PIK3C2G: variants seen among roughly 807,000 people sequenced by gnomAD.
The protein encoded by PIK3C2G is phosphatidylinositol 3-kinase C2 domain-containing subunit gamma.
PIK3C2G carries 168 observed loss-of-function variants against 181.1 expected under a neutral mutation model. That is an observed-to-expected ratio of 0.93 (90% CI 0.82 to 1.05). PIK3C2G has a LOEUF of 1.05. PIK3C2G is among the 50% of genes least tolerant of loss of function. The pLI, the probability that PIK3C2G is intolerant of heterozygous loss-of-function variation, is 0.00. For synonymous variants in PIK3C2G, 573 were observed against 592.2 expected, an observed-to-expected ratio of 0.97 and a Z score of 0.47; for missense variants, 1,869 against 1,732.8, an observed-to-expected ratio of 1.08 and a Z score of -1.40.
chr12:18,355,500 A>G (rs1173818296), intron 11 of PIK3C2G, among the ~76,000 whole-genome samples: 2 of 152,174 alleles, frequency 1.3e-5, no homozygotes, highest in Admixed American at 6.5e-5. Flanking sequence ...TTGCCAGGGA[A>G]AGAAAGAGTC....
the PIK3C2G span, among the ~76,000 whole-genome samples, chr12:18,672,459 GA>G: frequency 6.6e-5 from 10 of 151,574 alleles, no homozygotes; most frequent in South Asian, 4.2e-4. Context: ...CAAATGACTT[GA>G]AAAAAAACTG....
At chr12:18,547,677 G>A (rs1471391611) in intron 26 of PIK3C2G, among the ~76,000 whole-genome samples, 1 of 121,856 alleles carries the variant, frequency 8.2e-6, no homozygotes, top group African/African-American at 3.1e-5. Flanking sequence ...AAAAAACCCT[G>A]CCTTCTTGCT....
At chr12:18,334,797 G>A (rs1044657025) in intron 8 of PIK3C2G, among the ~76,000 whole-genome samples, 1 of 152,044 alleles carries the variant, frequency 6.6e-6, no homozygotes, top group Admixed American at 6.6e-5. Context: ...AGCCATCATA[G>A]GGTTTGTAAA....
intron 18 of PIK3C2G, among the ~76,000 whole-genome samples, chr12:18,459,793 G>T (rs1352187171): frequency 6.6e-6 from 1 of 152,128 alleles, no homozygotes; most frequent in Non-Finnish European, 1.5e-5. Context: ...CTAGAGTCTA[G>T]CTGTGTCATC....
chr12:18,657,164 A>G, the PIK3C2G span, among the ~76,000 whole-genome samples: 1 of 152,192 alleles, frequency 6.6e-6, no homozygotes, highest in Non-Finnish European at 1.5e-5. Context: ...TGAAATATTT[A>G]TAGGCAGATG....
intron 11 of PIK3C2G, among the ~76,000 whole-genome samples, chr12:18,348,969 C>T (rs893070249): frequency 9.2e-5 from 14 of 152,130 alleles, no homozygotes; most frequent in Non-Finnish European, 1.8e-4. Flanking sequence ...TATTGAAAGA[C>T]CTCAGTTCCC....
intron 5 of PIK3C2G, among the ~76,000 whole-genome samples, chr12:18,305,280 G>GT (rs1416931504): frequency 3.9e-5 from 6 of 152,106 alleles, no homozygotes; most frequent in Admixed American, 3.9e-4. Flanking sequence ...GCTAAATAAA[G>GT]TTTGTTTATT....
the PIK3C2G span, among the ~76,000 whole-genome samples, chr12:18,700,538 A>AAAAAAAGG: frequency 2.8e-4 from 38 of 135,908 alleles, no homozygotes; most frequent in Middle Eastern, 3.5e-3. Flanking sequence ...AAAAAAAAAT[A>AAAAAAAGG]GTTGCTCTGC....
intron 8 of PIK3C2G, among the ~76,000 whole-genome samples, chr12:18,326,096 G>T (rs1321087718): frequency 6.6e-6 from 1 of 152,150 alleles, no homozygotes; most frequent in African/African-American, 2.4e-5. Context: ...GAAATTATGT[G>T]CCTAGAATAA....
intron 16 of PIK3C2G, among the ~76,000 whole-genome samples, chr12:18,402,009 A>G (rs1944273433): frequency 6.6e-6 from 1 of 152,152 alleles, no homozygotes; most frequent in Non-Finnish European, 1.5e-5. Flanking sequence ...TGACCCAACA[A>G]TCTTACTATG....
At chr12:18,620,016 G>A (rs564983287) in intron 31 of PIK3C2G, among the ~76,000 whole-genome samples, 9 of 152,108 alleles carry the variant, frequency 5.9e-5, no homozygotes, top group South Asian at 2.1e-4. Context: ...GAGCCACCGC[G>A]TCCAGCCCCT....
intron 29 of PIK3C2G, among the ~76,000 whole-genome samples, chr12:18,572,731 A>G (rs1002571224): frequency 6.6e-6 from 1 of 151,908 alleles, no homozygotes; most frequent in African/African-American, 2.4e-5. Flanking sequence ...CCTTTTCACT[A>G]TATCCTTTAT....
At chr12:18,266,339 C>T (rs1189446066) in intron 1 of PIK3C2G, among the ~76,000 whole-genome samples, 1 of 151,896 alleles carries the variant, frequency 6.6e-6, no homozygotes, top group Admixed American at 6.6e-5. Context: ...TTGATAGAAA[C>T]AAAACAGCAT....
At chr12:18,571,111 C>A (rs970749130) in intron 29 of PIK3C2G, among the ~76,000 whole-genome samples, 4 of 150,702 alleles carry the variant, frequency 2.7e-5, no homozygotes, top group Non-Finnish European at 5.9e-5. Context: ...ACCATATTTT[C>A]TTTCTTATTC....
chr12:18,667,476 G>A, the PIK3C2G span, among the ~76,000 whole-genome samples: 1 of 152,098 alleles, frequency 6.6e-6, no homozygotes, highest in South Asian at 2.1e-4. Context: ...TATGTTTTGA[G>A]AATATAATTT....
the PIK3C2G span, among the ~76,000 whole-genome samples, chr12:18,725,206 A>C: frequency 2.0e-5 from 3 of 152,150 alleles, no homozygotes; most frequent in Non-Finnish European, 4.4e-5. Flanking sequence ...TAGTAGAAAG[A>C]GAATGGAAAA....
intron 29 of PIK3C2G, among the ~76,000 whole-genome samples, chr12:18,584,544 G>T (rs1946675183): frequency 6.6e-6 from 1 of 152,088 alleles, no homozygotes; most frequent in Non-Finnish European, 1.5e-5. Context: ...ATGGAATCAA[G>T]TAAAGAAGCC....
intron 31 of PIK3C2G, among the ~76,000 whole-genome samples, chr12:18,637,941 A>G (rs1366279812): frequency 1.3e-5 from 2 of 152,204 alleles, no homozygotes; most frequent in Admixed American, 6.5e-5. Flanking sequence ...TTCAACATTA[A>G]ATGAAGAATC....
chr12:18,537,438 A>G (rs950804747), intron 24 of PIK3C2G, among the ~76,000 whole-genome samples: 1 of 151,888 alleles, frequency 6.6e-6, no homozygotes, highest in Non-Finnish European at 1.5e-5. Flanking sequence ...ATTTCATCTC[A>G]GCCCTATCCG....
Sources: gnomAD v4.1 joint callset for allele counts (sites outside exome capture counted in the v4.1 genomes callset) on GRCh38, gnomAD v4.1.1 for gene constraint, MANE v1.5 for transcripts, NCBI Gene and HGNC (gene_info 2026-07-23, HGNC 2026-07-21) for gene names.